The following LAMA5 variants were observed in gnomAD, a reference collection of about 807,000 sequenced individuals.
LAMA5 encodes the protein laminin subunit alpha 5.
LAMA5 carries 260 observed loss-of-function variants against 433.4 expected under a neutral mutation model. The observed-to-expected ratio is 0.60, with a 90% CI of 0.54 to 0.66. The LOEUF is 0.66. Among genes scored for constraint, LAMA5 ranks in the 30% least tolerant of loss-of-function variants. The pLI, the probability that LAMA5 is intolerant of heterozygous loss-of-function variation, is 0.00. For synonymous variants in LAMA5, 2,620 were observed against 2,226.6 expected (o/e 1.18, Z -4.97); for missense variants, 5,378 against 5,258.5 (o/e 1.02, Z -0.70).
chr20:62,362,303 C>T (rs546820146), intron 2 of LAMA5, 97 bp downstream of exon 2: 108 of 1,228,974 alleles, frequency 8.8e-5, no homozygotes, highest in Middle Eastern at 4.1e-4. Context: ...GTCTCGCTCA[C>T]GGTGGAGACC....
chr20:62,312,293 A>G lies in LAMA5; in HGVS notation c.9384T>C (p.His3128=). ...GCGCCAGGCGAAGGAAGCCGTGGCC[A>G]TGGAAAGTCATGGCGCGCCCCACCT... ...DLLVGRAMTF[H]GHGFLRLALS... The change falls in exon 69 of 80, where the codon CAT becomes CAC. Residue 3128 remains histidine (H), a synonymous_variant. Transcript: ENST00000252999. 2 of 1,610,732 alleles carry G rather than the reference A, an allele frequency of 1.2e-6. No homozygotes were observed. The highest frequency in any genetic ancestry group is 1.7e-6 in the Non-Finnish European group (2 of 1,179,480).
intron 35 of LAMA5, 21 bp downstream of exon 35, chr20:62,328,220 G>A: frequency 6.3e-7 from 1 of 1,581,578 alleles, no homozygotes; most frequent in Non-Finnish European, 8.6e-7. Context: ...GGGCCGCGCT[G>A]ACGCCGCTCT....
In LAMA5 at chr20:62,313,186, G is replaced by A. The variant is rs74906764; in HGVS notation, c.8857C>T (p.Arg2953Cys). ...CTGATCTGACTGTCGAAGCTGATGC[G>A]GGCGAAGCCGGTGCCGTCCAGGTAG... ...GSYLDGTGFARISFDSQISTT... is the reference protein window; with the variant it reads ...GSYLDGTGFACISFDSQISTT... Residue 2953 changes from arginine (R) to cysteine (C), a missense_variant, in exon 65 of 80, where the codon CGC becomes TGC. Physicochemically the swap from Arg to Cys is radical, Grantham distance 180. Transcript: ENST00000252999. 2,029 of 1,574,114 alleles carry A rather than the reference G, an allele frequency of 1.3e-3. 28 individuals are homozygous for A. In the African/African-American group the frequency reaches 0.025, roughly 20 times the overall value.
Position 62,333,396 on chromosome 20 carries a change from G to A in LAMA5, c.3107C>T (p.Ser1036Phe), listed in dbSNP as rs1980874879. 1 of 1,612,728 alleles carries A rather than the reference G, an allele frequency of 6.2e-7. No homozygotes were observed. Among genetic ancestry groups the A allele is most frequent in the East Asian group, 2.2e-5 (1 of 44,868 alleles). ...RVTEACTYRP[S>F]AQQSGDNCLL... is the part of the protein sequence containing the mutation. ...TCACTTGTCGCCAGACTGCTGGGCA[G>A]AGGGACGGTATGTGCAGGCCTCAGT... Residue 1036 changes from serine (S) to phenylalanine (F), a missense_variant, in exon 25 of 80, where the codon TCT (serine) becomes TTT (phenylalanine). Ser to Phe is a radical substitution (Grantham distance 155, BLOSUM62 -2). Transcript: ENST00000252999.
At chr20:62,326,541 AG>A in intron 40 of LAMA5, 135 bp downstream of exon 40, 1 of 676,462 alleles carries the variant, frequency 1.5e-6, no homozygotes, top group Non-Finnish European at 2.5e-6. Flanking sequence ...GGACCTCCCC[AG>A]CCCCCACCCC....
At position 62,320,638 on chromosome 20, in the gene LAMA5, T is replaced by TGGTGGG. The variant is rs759789892; in HGVS notation, c.6679_6680insCCCACC (p.Arg2226_His2227insProHis). On this transcript the variant is annotated inframe_insertion, in exon 50 of 80. Coordinates refer to ENST00000252999, the MANE Select transcript of LAMA5 (RefSeq NM_005560.6). The stretch of plus-strand genomic sequence containing the variant: ...CACCTCCAGCTGCTGTGCCGTCTCA[T>TGGTGGG]GGCGGGGGCCCAGGGGGCTCCGGAG... 6.2e-7 allele frequency: 1 copy of TGGTGGG among 1,609,512 alleles called. No homozygotes were observed. Among genetic ancestry groups the TGGTGGG allele is most frequent in the Admixed American group, 1.7e-5 (1 of 59,664 alleles).
intron 50 of LAMA5, among the ~76,000 whole-genome samples, chr20:62,320,253 G>C (rs1987530995): frequency 1.4e-5 from 2 of 145,960 alleles, no homozygotes; most frequent in African/African-American, 5.2e-5. Flanking sequence ...GGGAGGCAGA[G>C]GTTATGGTAA....
In LAMA5 at chr20:62,325,213, G is replaced by A. The variant is rs1979067182; in HGVS notation, c.5529+103C>T. 12 of 744,766 alleles carry A rather than the reference G, an allele frequency of 1.6e-5. No individual in the cohort carries two copies. The East Asian group carries it at 3.5e-4, about 22-fold the overall frequency. 46.1% of individuals were successfully genotyped at this position (744,766 alleles called of 1,614,324 possible). ...GGGCAGGAAGAGAGGTGAGTAGGGT[G>A]ACAGGAAGTGGAGGCAGCAAGGAAG... On this transcript the variant is annotated intron_variant, in intron 41 of 79. Transcript: ENST00000252999.
At chr20:62,318,674 G>A (rs1339794602) in intron 52 of LAMA5, 24 bp from the exon 53 acceptor site, 4 of 1,604,388 alleles carry the variant, frequency 2.5e-6, no homozygotes, top group African/African-American at 1.3e-5. Flanking sequence ...GGGTGAGGGT[G>A]GTCACTCTGG....
At position 62,314,782 on chromosome 20, in the gene LAMA5, C is replaced by T. The variant is rs761546139; in HGVS notation, c.8196+17G>A. 1.2e-6 allele frequency: 2 copies of T among 1,612,768 alleles called. No individual in the cohort carries two copies. Among genetic ancestry groups the T allele is most frequent in the African/African-American group, 1.3e-5 (1 of 74,916 alleles). Reference sequence around the variant, plus strand: ...CACCCTCCCTGATGTCCACCTTCCCCTGGGACTCTCACCCACCTTACTGGC... The same window carrying T: ...CACCCTCCCTGATGTCCACCTTCCCTTGGGACTCTCACCCACCTTACTGGC... On this transcript the variant is annotated intron_variant, in intron 60 of 79. Transcript: ENST00000252999.
Position 62,325,357 on chromosome 20 carries a change from G to A in LAMA5, c.5488C>T (p.Leu1830=). 1 of 1,606,284 alleles carries A rather than the reference G, an allele frequency of 6.2e-7. No individual in the cohort carries two copies. The highest frequency in any genetic ancestry group is 8.5e-7 in the Non-Finnish European group (1 of 1,175,648). Residue 1830 remains leucine, a synonymous_variant, in exon 41 of 80, where the codon CTG becomes TTG. Transcript: ENST00000252999. ...CGGTAGCTGGCGGGGCACAGGCACA[G>A]CTCCACATTGCTGGCCAGGGCCCCC... ...GQGALASNVE[L]CLCPASYRGD...
At chr20:62,334,979 G>A in intron 20 of LAMA5, 42 bp downstream of exon 20, 1 of 1,577,170 alleles carries the variant, frequency 6.3e-7, no homozygotes, top group East Asian at 2.2e-5. Context: ...TAAACCGAGG[G>A]GAGGCAGGGC....
In LAMA5 at chr20:62,333,089, C is replaced by T; in HGVS notation, c.3282+1G>A. ...GCTCCGTGGGGTCCCAGGACACGCA[C>T]ATCACTGCCCGTGCAGGTGATCAGT... is the stretch of plus-strand genomic sequence containing the variant. On this transcript the variant is annotated splice_donor_variant, in intron 26 of 79. Coordinates refer to ENST00000252999, the MANE Select transcript of LAMA5 (RefSeq NM_005560.6). LOFTEE classifies it high-confidence loss of function. The T allele has an allele frequency of 6.7e-7, 1 of 1,501,480 alleles. No homozygotes were observed. Among genetic ancestry groups the T allele is most frequent in the Non-Finnish European group, 8.9e-7 (1 of 1,127,886 alleles). The allele number at this position is 1,501,480 out of a possible 1,614,324, so 93.0% of individuals were successfully genotyped here. A position where few individuals can be genotyped will look rare whatever the true frequency, so the allele number is the denominator to read the frequency against.
At chr20:62,348,676 C>T (rs2146291740) in intron 6 of LAMA5, among the ~76,000 whole-genome samples, 1 of 151,858 alleles carries the variant, frequency 6.6e-6, no homozygotes, top group Admixed American at 6.6e-5. Flanking sequence ...CTATGGAAAA[C>T]AGGCAGATGT....
intron 11 of LAMA5, among the ~76,000 whole-genome samples, chr20:62,340,678 G>A (rs890617927): frequency 1.3e-5 from 2 of 152,070 alleles, no homozygotes; most frequent in African/African-American, 4.8e-5. Context: ...AATGTTCCTG[G>A]AACAATCTAA....
chr20:62,311,618 G>A lies in LAMA5; in HGVS notation c.9802C>T (p.Gln3268Ter). ...FSGCISNVFV[Q>*]RLLGPQRVFD... ...CCCAGCGCCCACCAGGCTCACCGCT[G>A]CACGAAGACGTTGCTGATGCAGCCA... The change falls in exon 71 of 80, where the codon CAG (glutamine) becomes TAG (stop). Residue 3268 changes from glutamine (Q) to a stop codon, truncating the protein, a stop_gained. Transcript: ENST00000252999. LOFTEE classifies it high-confidence loss of function. 6.2e-7 allele frequency: 1 copy of A among 1,605,546 alleles called. No individual in the cohort carries two copies. The highest frequency in any genetic ancestry group is 1.7e-5 in the Admixed American group (1 of 58,930).
At chr20:62,348,837 G>C (rs1983758670) in intron 6 of LAMA5, among the ~76,000 whole-genome samples, 1 of 152,090 alleles carries the variant, frequency 6.6e-6, no homozygotes. Context: ...AGACACCTCA[G>C]AAGATAAAGA....
At chr20:62,328,136 AG>A in intron 35 of LAMA5, 104 bp downstream of exon 35, 1 of 1,512,136 alleles carries the variant, frequency 6.6e-7, no homozygotes, top group Non-Finnish European at 8.9e-7. Context: ...TGCTGCACCC[AG>A]GGAGCACAAA....
In LAMA5 at chr20:62,333,452, G is replaced by A; in HGVS notation, c.3051C>T (p.Tyr1017=). 4 of 1,612,764 alleles carry A rather than the reference G, an allele frequency of 2.5e-6. No individual in the cohort carries two copies. Among genetic ancestry groups the A allele is most frequent in the Non-Finnish European group, 3.4e-6 (4 of 1,179,888 alleles). ...GCAGCTGCAGGAGCGCCGCCTCGTA[G>A]TATGCGCTAGGCAGCAGAACCACGT... ...LDYVVLLPSA[Y]YEAALLQLRV... The change falls in exon 25 of 80, where the codon TAC becomes TAT. Residue 1017 remains tyrosine (Y), a synonymous_variant. Coordinates refer to ENST00000252999, the MANE Select transcript of LAMA5 (RefSeq NM_005560.6).
Sources: gnomAD v4.1 joint callset for allele counts (sites outside exome capture counted in the v4.1 genomes callset) on GRCh38, gnomAD v4.1.1 for gene constraint, MANE v1.5 for transcripts, NCBI Gene and HGNC (gene_info 2026-07-23, HGNC 2026-07-21) for gene names.